Variants in TJAP1 observed in about 807,000 individuals in gnomAD.
TJAP1 encodes tight junction-associated protein 1.
In TJAP1, 27 loss-of-function variants were observed where a neutral mutation model predicts 42.0. The observed-to-expected ratio is 0.64, with a 90% CI of 0.47 to 0.89. The LOEUF is 0.89. Ranked by LOEUF, TJAP1 falls within the 40% of genes least tolerant of loss-of-function variation. The probability of loss-of-function intolerance (pLI) is 0.00; values close to 1 mark genes in which losing one functional copy is unlikely to be tolerated. For missense variants in TJAP1, 712 were observed against 726.9 expected, an observed-to-expected ratio of 0.98 and a Z score of 0.24; for synonymous variants, 257 against 288.4, an observed-to-expected ratio of 0.89 and a Z score of 1.10.
At chr6:43,503,882 G>GT in intron 10 of TJAP1, 176 bp downstream of exon 10, 3 of 721,338 alleles carry the variant, frequency 4.2e-6, no homozygotes. Context: ...CCCGTGTACT[G>GT]TCCAGGGCCC....
In TJAP1 at chr6:43,505,748, C is replaced by T. The variant is rs1211829490; in HGVS notation, c.1567C>T (p.Pro523Ser). 2.6e-6 allele frequency: 4 copies of T among 1,527,694 alleles called. No individual in the cohort carries two copies. The highest frequency in any genetic ancestry group is 3.5e-6 in the Non-Finnish European group (4 of 1,142,068). 94.6% of individuals were successfully genotyped at this position (1,527,694 alleles called of 1,614,324 possible). ...CACCGAGGGCAGGGCCTGGCCACTCCCCAGCTCCAGTCGCCCCCAGCGCAG... is the reference window on the plus strand; with the variant it reads ...CACCGAGGGCAGGGCCTGGCCACTCTCCAGCTCCAGTCGCCCCCAGCGCAG... The change falls in exon 11 of 11, where the codon CCC becomes TCC. Residue 523 changes from proline to serine, a missense_variant. By Grantham distance (74) the Pro-to-Ser change is moderately conservative (BLOSUM62 -1). Coordinates refer to ENST00000372449, the Ensembl canonical transcript of TJAP1. The surrounding 1 kb of genome is among the most constrained non-coding windows in gnomAD (Gnocchi z 5.5).
rs550223728 is a variant in TJAP1, at chr6:43,501,891, CCA to C, written c.290+240_290+241del. Among the ~76,000 whole-genome samples the C allele has an allele frequency of 2.4e-3, 92 of 39,062 alleles. 3 individuals are homozygous for C. Among genetic ancestry groups the C allele is most frequent in the Admixed American group, 5.8e-3 (17 of 2,936 alleles). 25.6% of individuals were successfully genotyped at this position (39,062 alleles called of 152,430 possible). ...GTTCTGCAGGTGTGGGAATGCGGGGCCACACACACACACACACACACACACAC... is the reference window on the plus strand; with the variant it reads ...GTTCTGCAGGTGTGGGAATGCGGGGCCACACACACACACACACACACACAC... On this transcript the variant is annotated intron_variant, in intron 6 of 10. Transcript: ENST00000372449.
At chr6:43,482,675 T>C (rs1785559914) in intron 2 of TJAP1, among the ~76,000 whole-genome samples, 1 of 152,238 alleles carries the variant, frequency 6.6e-6, no homozygotes, top group South Asian at 2.1e-4. Context: ...GACTATGTCT[T>C]ATTCACTACT....
intron 3 of TJAP1, 76 bp downstream of exon 3, chr6:43,498,053 TTC>T (rs947920270): frequency 1.3e-5 from 2 of 152,200 alleles, no homozygotes; most frequent in Non-Finnish European, 2.9e-5. Context: ...CAGCCAAGTG[TTC>T]TCTCTCGGCG....
At position 43,495,752 on chromosome 6, in the gene TJAP1, C is replaced by G. The variant is rs1282041663; in HGVS notation, c.-121-2129C>G. On this transcript the variant is annotated intron_variant, in intron 2 of 10. Coordinates refer to ENST00000372449, the Ensembl canonical transcript of TJAP1. This position sits in a 1 kb window ranked among gnomAD's most constrained non-coding sequence, Gnocchi z 4.6. The stretch of plus-strand genomic sequence containing the variant: ...ATACTCCTTGCCTAGCAAGCCAGAT[C>G]GCCTCTGGCCATGGAAGCCCTGGGG... Among the ~76,000 whole-genome samples, 14 of 152,178 alleles carry G rather than the reference C, an allele frequency of 9.2e-5. No homozygotes were observed. The highest frequency in any genetic ancestry group is 6.5e-4 in the Admixed American group (10 of 15,284).
chr6:43,501,389 T>C (rs1167911133), intron 5 of TJAP1, 137 bp from the exon 6 acceptor site: 13 of 767,398 alleles, frequency 1.7e-5, no homozygotes, highest in Non-Finnish European at 2.4e-5. Flanking sequence ...AGACTCAGAC[T>C]AAGACTCCAG....
exon 6 of TJAP1, chr6:43,501,671 A>C (rs1265210576): frequency 7.8e-7 from 1 of 1,288,438 alleles, no homozygotes; most frequent in East Asian, 2.3e-5. Flanking sequence ...GGACAAATTT[A>C]AGGATAAGTT....
chr6:43,501,749 CA>C, intron 6 of TJAP1, 62 bp downstream of exon 6: 1 of 689,238 alleles, frequency 1.5e-6, no homozygotes, highest in Non-Finnish European at 2.7e-6. Context: ...CACACACACA[CA>C]CACACACACT....
At chr6:43,493,298 T>G (rs569988250) in intron 2 of TJAP1, among the ~76,000 whole-genome samples, 1 of 152,294 alleles carries the variant, frequency 6.6e-6, no homozygotes, top group South Asian at 2.1e-4. Context: ...CAGAAAGGCT[T>G]CGTAGTAGGT....
At chr6:43,499,202 G>A (rs1485813064) in intron 4 of TJAP1, 102 bp downstream of exon 4, 7 of 1,538,830 alleles carry the variant, frequency 4.5e-6, no homozygotes, top group Admixed American at 3.9e-5. Flanking sequence ...CTGAGTTGGG[G>A]TGAGAGTGGG....
chr6:43,505,904 C>A lies in TJAP1; in HGVS notation c.*49C>A. Reference sequence around the variant, plus strand: ...TTGCTGCACCAGGACTGCAAGGAGTCCCCACACCTTGGCAGCTCAGGGTCC... The same window carrying A: ...TTGCTGCACCAGGACTGCAAGGAGTACCCACACCTTGGCAGCTCAGGGTCC... On this transcript the variant is annotated 3_prime_UTR_variant, in exon 11 of 11. Transcript: ENST00000372449. This position sits in a 1 kb window ranked among gnomAD's most constrained non-coding sequence, Gnocchi z 5.5. 1 of 1,424,454 alleles carries A rather than the reference C, an allele frequency of 7.0e-7. No homozygotes were observed. The highest frequency in any genetic ancestry group is 9.1e-7 in the Non-Finnish European group (1 of 1,093,008). The allele number at this position is 1,424,454 out of a possible 1,614,324, so 88.2% of individuals were successfully genotyped here.
rs1792000035 is a variant in TJAP1 at position 43,505,124 on chromosome 6, C to A, written c.943C>A (p.Pro315Thr). The change falls in exon 11 of 11, where the codon CCC becomes ACC. Residue 315 changes from proline to threonine, a missense_variant. By Grantham distance (38) the Pro-to-Thr change is conservative (BLOSUM62 -1). Transcript: ENST00000372449. The surrounding 1 kb of genome is among the most constrained non-coding windows in gnomAD (Gnocchi z 5.5). ...CCTGCCAGCCTTTGAGAAGCTGAAC[C>A]CCTACCCAACCCCGTCTCCACCACA... 1.2e-6 allele frequency: 2 copies of A among 1,614,060 alleles called. No individual in the cohort carries two copies. Among genetic ancestry groups the A allele is most frequent in the African/African-American group, 1.3e-5 (1 of 74,906 alleles).
chr6:43,484,478 A>G (rs1165543644), intron 2 of TJAP1, among the ~76,000 whole-genome samples: 3 of 152,198 alleles, frequency 2.0e-5, no homozygotes, highest in Admixed American at 1.3e-4. Context: ...ATATAAATAA[A>G]TAAAGGACAC....
chr6:43,502,473 T>G, intron 7 of TJAP1, 115 bp from the exon 8 acceptor site: 1 of 1,479,642 alleles, frequency 6.8e-7, no homozygotes, highest in South Asian at 1.2e-5. Flanking sequence ...GGGGCAGTGG[T>G]GGGGGTACTG....
intron 2 of TJAP1, among the ~76,000 whole-genome samples, chr6:43,481,638 G>A (rs554500978): frequency 6.6e-6 from 1 of 151,862 alleles, no homozygotes; most frequent in African/African-American, 2.4e-5. Flanking sequence ...TCAGCTGAAT[G>A]GGAAAATAGA....
At chr6:43,484,486 CACTTGGT>C (rs1388662632) in intron 2 of TJAP1, among the ~76,000 whole-genome samples, 2 of 152,090 alleles carry the variant, frequency 1.3e-5, no homozygotes, top group Non-Finnish European at 2.9e-5. Context: ...AAATAAAGGA[CACTTGGT>C]AAATATTTGT....
Position 43,505,087 on chromosome 6 carries a change from G to A in TJAP1, c.906G>A (p.Glu302=), listed in dbSNP as rs781313248. ...TGGGTACTGCCAGGGGCTCCCCGGAGGAAGAGCTGCCCCTGCCAGCCTTTG... is the reference window on the plus strand; with the variant it reads ...TGGGTACTGCCAGGGGCTCCCCGGAAGAAGAGCTGCCCCTGCCAGCCTTTG... The change falls in exon 11 of 11, where the codon GAG becomes GAA. Residue 302 remains glutamate (E), a synonymous_variant. Transcript: ENST00000372449. This position sits in a 1 kb window ranked among gnomAD's most constrained non-coding sequence, Gnocchi z 5.5. 6.2e-7 allele frequency: 1 copy of A among 1,614,046 alleles called. No homozygotes were observed.
exon 6 of TJAP1, chr6:43,501,568 C>T: frequency 6.2e-7 from 1 of 1,613,996 alleles, no homozygotes; most frequent in Non-Finnish European, 8.5e-7. Flanking sequence ...GGCGCCTGGC[C>T]TCCGCCACCA....
At chr6:43,496,076 A>C (rs1789046979) in intron 2 of TJAP1, among the ~76,000 whole-genome samples, 3 of 152,116 alleles carry the variant, frequency 2.0e-5, no homozygotes. Context: ...TCCTGAGATG[A>C]CTGGGGAGCA....
Sources: gnomAD v4.1 joint callset for allele counts (sites outside exome capture counted in the v4.1 genomes callset) on GRCh38, gnomAD v4.1.1 for gene constraint, Gnocchi (gnomAD v3.1) non-coding constraint, MANE v1.5 for transcripts, NCBI Gene and HGNC (gene_info 2026-07-23, HGNC 2026-07-21) for gene names.